ADAMTS1: variants seen among roughly 807,000 people sequenced by gnomAD.
The protein encoded by ADAMTS1 is ADAM metallopeptidase with thrombospondin type 1 motif 1.
A neutral mutation model predicts 87.9 loss-of-function variants in ADAMTS1; 19 were observed. The observed-to-expected ratio is 0.22, with a 90% CI of 0.15 to 0.32. The LOEUF is 0.32. ADAMTS1 is among the 10% of genes least tolerant of loss of function. The pLI, the probability that ADAMTS1 is intolerant of heterozygous loss-of-function variation, is 1.00. For synonymous variants in ADAMTS1, 542 were observed against 501.8 expected (o/e 1.08, Z -1.07); for missense variants, 1,240 against 1,259.1 (o/e 0.98, Z 0.23).
In ADAMTS1 at chr21:26,841,969, A is replaced by G. The variant is rs772183789; in HGVS notation, c.1099T>C (p.Cys367Arg). The stretch of plus-strand genomic sequence containing the variant: ...ACATCAGCCATCCCAAGAGTATCAC[A>G]TGTCTGGGACCCACACAAGTCCTAC... ...TRQDLCGSQTCDTLGMADVGT... is the reference protein window; with the variant it reads ...TRQDLCGSQTRDTLGMADVGT... Residue 367 changes from cysteine to arginine, a missense_variant, in exon 3 of 9, where the codon TGT (cysteine) becomes CGT (arginine). Cys to Arg is a radical substitution (Grantham distance 180, BLOSUM62 -3). Around this residue, in one of 3 missense-constraint regions of ADAMTS1, gnomAD observed 317 missense variants for 410.3 expected, o/e 0.77. Coordinates refer to ENST00000284984, the MANE Select transcript of ADAMTS1 (RefSeq NM_006988.5). 1.2e-6 allele frequency: 2 copies of G among 1,614,142 alleles called. No homozygotes were observed. Among genetic ancestry groups the G allele is most frequent in the East Asian group, 2.2e-5 (1 of 44,876 alleles).
intron 8 of ADAMTS1, 42 bp from the exon 9 acceptor site, chr21:26,838,320 CTAAT>C: frequency 6.4e-7 from 1 of 1,574,782 alleles, no homozygotes; most frequent in South Asian, 1.2e-5. Flanking sequence ...GATTCATTGG[CTAAT>C]TAGATTATTT....
rs1249204611 is a variant in ADAMTS1 at position 26,837,991 on chromosome 21, G to A, written c.2492C>T (p.Ala831Val). Residue 831 changes from alanine (A) to valine (V), a missense_variant, in exon 9 of 9, where the codon GCC becomes GTC. Physicochemically the swap from Ala to Val is moderately conservative, Grantham distance 64. Transcript: ENST00000284984. The stretch of plus-strand genomic sequence containing the variant: ...GGTGTATTTAATTTTAGGTCGAAGG[G>A]CATTGCCCACAGTAAGAACCTGGAT... ...LTIQVLTVGN[A>V]LRPKIKYTYF... 3 of 1,614,058 alleles carry A rather than the reference G, an allele frequency of 1.9e-6. No individual in the cohort carries two copies. The highest frequency in any genetic ancestry group is 2.2e-5 in the East Asian group (1 of 44,900).
Position 26,844,741 on chromosome 21 carries a change from C to T in ADAMTS1, c.214G>A (p.Gly72Arg). 1 of 1,567,436 alleles carries T rather than the reference C, an allele frequency of 6.4e-7. No individual in the cohort carries two copies. Among genetic ancestry groups the T allele is most frequent in the Admixed American group, 1.8e-5 (1 of 54,352 alleles). The change falls in exon 1 of 9, where the codon GGG (glycine) becomes AGG (arginine). Residue 72 changes from glycine (G) to arginine (R), a missense_variant. This residue lies in a region of ADAMTS1 where 521 missense variants were observed against 449.7 expected (regional missense o/e 1.16). Transcript: ENST00000284984. ...GCGTGCAGGCGGAGGCGCGTGGTCC[C>T]GTGTCCCGGGGCGCGCTCCAGCTCC... Reference protein sequence around the residue: ...VPELERAPGHGTTRLRLHAFD... With the variant: ...VPELERAPGHRTTRLRLHAFD...
Position 26,844,353 on chromosome 21 carries a change from ACGACCC to A in ADAMTS1, c.596_601del (p.Gly199_Val200del), listed in dbSNP as rs1434526070. The A allele has an allele frequency of 6.3e-7, 1 of 1,599,402 alleles. No homozygotes were observed. Among genetic ancestry groups the A allele is most frequent in the Non-Finnish European group, 8.5e-7 (1 of 1,175,620 alleles). ...CCCAGTCGGCCGGGGCTCGTCGTCC[ACGACCC>A]CGCACGTGCCGCCGACGTCGCCCTG... On this transcript the variant is annotated inframe_deletion, in exon 1 of 9. Coordinates refer to ENST00000284984, the MANE Select transcript of ADAMTS1 (RefSeq NM_006988.5).
chr21:26,842,303 A>T, intron 2 of ADAMTS1, 36 bp downstream of exon 2: 1 of 1,590,356 alleles, frequency 6.3e-7, no homozygotes. Context: ...GACTCCTAAG[A>T]GGACAGTCTC....
intron 4 of ADAMTS1, 89 bp from the exon 5 acceptor site, chr21:26,840,651 G>A: frequency 1.4e-6 from 2 of 1,414,406 alleles, no homozygotes; most frequent in Non-Finnish European, 1.9e-6. Context: ...TATCATATGA[G>A]AAAATAGACA....
Position 26,844,691 on chromosome 21 carries a change from C to G in ADAMTS1, c.264G>C (p.Glu88Asp), listed in dbSNP as rs763734894. 5 of 1,593,838 alleles carry G rather than the reference C, an allele frequency of 3.1e-6. No homozygotes were observed. Among genetic ancestry groups the G allele is most frequent in the African/African-American group, 1.3e-5 (1 of 74,728 alleles). The change falls in exon 1 of 9, where the codon GAG becomes GAC. Residue 88 changes from glutamate to aspartate, a missense_variant. Physicochemically the swap from Glu to Asp is conservative, Grantham distance 45. Coordinates refer to ENST00000284984, the MANE Select transcript of ADAMTS1 (RefSeq NM_006988.5). ...LHAFDQQLDL[E>D]LRPDSSFLAP... is the part of the protein sequence containing the mutation. ...CCAAAAAGCTGCTGTCGGGCCGCAG[C>G]TCCAGATCCAGCTGCTGGTCAAAGG...
chr21:26,838,786 C>T, intron 7 of ADAMTS1, 172 bp from the exon 8 acceptor site: 1 of 602,584 alleles, frequency 1.7e-6, no homozygotes, highest in Non-Finnish European at 2.8e-6. Flanking sequence ...TTTTTCAGTA[C>T]TACGTATAGA....
chr21:26,845,145 T>C lies in ADAMTS1; in HGVS notation c.-191A>G, dbSNP rs1892270387. 2 of 738,190 alleles carry C rather than the reference T, an allele frequency of 2.7e-6. No homozygotes were observed. The highest frequency in any genetic ancestry group is 1.8e-5 in the African/African-American group (1 of 54,302). The allele number at this position is 738,190 out of a possible 1,614,324, so 45.7% of individuals were successfully genotyped here. Reference sequence around the variant, plus strand: ...TCACTAAAAGGAGGCGCTGCAGTTCTGCCGGCGCGCGGGAAGTTTTTCTTC... The same window carrying C: ...TCACTAAAAGGAGGCGCTGCAGTTCCGCCGGCGCGCGGGAAGTTTTTCTTC... On this transcript the variant is annotated 5_prime_UTR_variant, in exon 1 of 9. Transcript: ENST00000284984.
rs1047141242 is a variant in ADAMTS1, at chr21:26,837,553, C to T, written c.*26G>A. Reference sequence around the variant, plus strand: ...CAGCCCTTCCTCACTTTGCCTTGCCCTCAAAGCTAACACCACTTAAACCAC... The same window carrying T: ...CAGCCCTTCCTCACTTTGCCTTGCCTTCAAAGCTAACACCACTTAAACCAC... On this transcript the variant is annotated 3_prime_UTR_variant, in exon 9 of 9. Coordinates refer to ENST00000284984, the MANE Select transcript of ADAMTS1 (RefSeq NM_006988.5). The T allele has an allele frequency of 1.2e-6, 2 of 1,605,872 alleles. No homozygotes were observed. Among genetic ancestry groups the T allele is most frequent in the East Asian group, 2.2e-5 (1 of 44,826 alleles).
chr21:26,839,558 TAGGTAAAAATA>T lies in ADAMTS1; in HGVS notation c.2028+18_2028+28del. ...GGTAGCAAGCCCAGGCCTTGATTTT[TAGGTAAAAATA>T]AGGTAAAAACGAACTACCTTGGGCT... is the stretch of plus-strand genomic sequence containing the variant. On this transcript the variant is annotated intron_variant, in intron 7 of 8. Coordinates refer to ENST00000284984, the MANE Select transcript of ADAMTS1 (RefSeq NM_006988.5). 1 of 1,505,524 alleles carries T rather than the reference TAGGTAAAAATA, an allele frequency of 6.6e-7. No individual in the cohort carries two copies. The highest frequency in any genetic ancestry group is 1.3e-5 in the South Asian group (1 of 74,104). The allele number at this position is 1,505,524 out of a possible 1,614,324, so 93.3% of individuals were successfully genotyped here.
chr21:26,838,967 A>G (rs899493750), intron 7 of ADAMTS1: 3 of 191,872 alleles, frequency 1.6e-5, no homozygotes, highest in Non-Finnish European at 2.2e-5. Context: ...CACTTGCTGA[A>G]TATTGAATCT....
rs1268003054 is a variant in ADAMTS1 at position 26,839,880 on chromosome 21, T to A, written c.1847A>T (p.Asn616Ile). ...CAGAGTCCGTTGCTCCTCACCATTA[T>A]TGTCTGGACAGTCCTCAAGGTTACA... Reference protein sequence around the residue: ...RSCNLEDCPDNNGKTFREEQC... With the variant: ...RSCNLEDCPDINGKTFREEQC... The change falls in exon 6 of 9, where the codon AAT becomes ATT. Residue 616 changes from asparagine to isoleucine, a missense_variant. Transcript: ENST00000284984. 6.2e-7 allele frequency: 1 copy of A among 1,613,466 alleles called. No homozygotes were observed. Among genetic ancestry groups the A allele is most frequent in the African/African-American group, 1.3e-5 (1 of 74,878 alleles).
Position 26,840,546 on chromosome 21 carries a change from G to A in ADAMTS1, c.1395C>T (p.Asp465=), listed in dbSNP as rs1257166486. 2 of 1,613,870 alleles carry A rather than the reference G, an allele frequency of 1.2e-6. No homozygotes were observed. The highest frequency in any genetic ancestry group is 2.2e-5 in the East Asian group (1 of 44,882). The part of the protein sequence containing the change: ...LDNGHGECLM[D]KPQNPIQLPG... ...GGAGCTGTATGGGATTCTGAGGCTT[G>A]TCCATCAAACATTCCCCTGCAAAGG... Residue 465 remains aspartate (D), a synonymous_variant, in exon 5 of 9, where the codon GAC becomes GAT. Coordinates refer to ENST00000284984, the MANE Select transcript of ADAMTS1 (RefSeq NM_006988.5).
rs371514421 is a variant in ADAMTS1 at position 26,844,526 on chromosome 21, C to A, written c.429G>T (p.Glu143Asp). ...PSSAAALSLC[E>D]GVRGAFYLLG... ...GCAGGTAGAAGGCGCCGCGCACGCC[C>A]TCGCAGAGGCTGAGGGCGGCAGCCG... The change falls in exon 1 of 9, where the codon GAG (glutamate) becomes GAT (aspartate). Residue 143 changes from glutamate (E) to aspartate (D), a missense_variant. Physicochemically the swap from Glu to Asp is conservative, Grantham distance 45. This residue lies in a region of ADAMTS1 where 521 missense variants were observed against 449.7 expected (regional missense o/e 1.16). Coordinates refer to ENST00000284984, the MANE Select transcript of ADAMTS1 (RefSeq NM_006988.5). The A allele has an allele frequency of 1.2e-6, 2 of 1,602,686 alleles. No homozygotes were observed. The highest frequency in any genetic ancestry group is 3.4e-5 in the Admixed American group (2 of 58,616).
In ADAMTS1 at chr21:26,837,984, T is replaced by C. The variant is rs769896533; in HGVS notation, c.2499A>G (p.Arg833=). 6.2e-7 allele frequency: 1 copy of C among 1,614,200 alleles called. No homozygotes were observed. The highest frequency in any genetic ancestry group is 8.5e-7 in the Non-Finnish European group (1 of 1,180,046). The part of the protein sequence containing the change: ...IQVLTVGNAL[R]PKIKYTYFVK... Reference sequence around the variant, plus strand: ...CGAAGTAGGTGTATTTAATTTTAGGTCGAAGGGCATTGCCCACAGTAAGAA... The same window carrying C: ...CGAAGTAGGTGTATTTAATTTTAGGCCGAAGGGCATTGCCCACAGTAAGAA... The change falls in exon 9 of 9, where the codon CGA becomes CGG. Residue 833 remains arginine, a synonymous_variant. Coordinates refer to ENST00000284984, the MANE Select transcript of ADAMTS1 (RefSeq NM_006988.5).
chr21:26,842,275 T>C, intron 2 of ADAMTS1, 64 bp downstream of exon 2: 1 of 1,483,328 alleles, frequency 6.7e-7, no homozygotes, highest in Non-Finnish European at 9.1e-7. Flanking sequence ...CTTGTATATA[T>C]CTTTTTGGTA....
intron 1 of ADAMTS1, chr21:26,843,779 T>A (rs773557313): frequency 6.2e-6 from 3 of 485,802 alleles, no homozygotes; most frequent in Admixed American, 2.1e-5. Context: ...CCTCTCCACA[T>A]CCGCCCTCCC....
In ADAMTS1 at chr21:26,839,903, A is replaced by G. The variant is rs149348660; in HGVS notation, c.1824T>C (p.Cys608=). 6.0e-5 allele frequency: 97 copies of G among 1,613,980 alleles called. No individual in the cohort carries two copies. In the African/African-American group the frequency reaches 1.2e-3, roughly 20 times the overall value. ...CEGKRVRYRS[C]NLEDCPDNNG... Reference sequence around the variant, plus strand: ...TATTGTCTGGACAGTCCTCAAGGTTACAGGATCTGTAGCGCACTCGTTTGC... The same window carrying G: ...TATTGTCTGGACAGTCCTCAAGGTTGCAGGATCTGTAGCGCACTCGTTTGC... The change falls in exon 6 of 9, where the codon TGT becomes TGC. Residue 608 remains cysteine (C), a synonymous_variant. Coordinates refer to ENST00000284984, the MANE Select transcript of ADAMTS1 (RefSeq NM_006988.5).
Sources: allele counts gnomAD v4.1 joint callset, GRCh38; gene constraint gnomAD v4.1.1; regional missense constraint gnomAD v4.1.1; transcripts MANE v1.5; gene names NCBI Gene and HGNC (gene_info 2026-07-23, HGNC 2026-07-21).